The following SNTG1 variants were observed in gnomAD, a reference collection of about 807,000 sequenced individuals.
SNTG1 encodes the protein syntrophin gamma 1.
In SNTG1, 39 loss-of-function variants were observed where a neutral mutation model predicts 74.7. The observed-to-expected ratio is 0.52, with a 90% CI of 0.40 to 0.68. SNTG1 has a LOEUF of 0.68. SNTG1 is among the 30% of genes least tolerant of loss of function. The pLI is 0.00. For synonymous variants in SNTG1, 254 were observed against 217.1 expected (o/e 1.17, Z -1.49); for missense variants, 685 against 609.5 (o/e 1.12, Z -1.30).
intron 12 of SNTG1, among the ~76,000 whole-genome samples, chr8:50,570,582 A>ATTGTTGTTG (rs1428185346): frequency 1.5e-4 from 5 of 33,354 alleles, no homozygotes; most frequent in East Asian, 1.7e-3. Context: ...TATTATTATT[A>ATTGTTGTTG]TTATTGTTGT....
intron 13 of SNTG1, among the ~76,000 whole-genome samples, chr8:50,608,128 G>A (rs183426921): frequency 8.6e-5 from 13 of 151,640 alleles, no homozygotes; most frequent in Admixed American, 4.6e-4. Flanking sequence ...ACTTTTCCTG[G>A]ATCATGTTGC....
At chr8:50,779,805 T>C (rs2095653255) in intron 18 of SNTG1, among the ~76,000 whole-genome samples, 1 of 152,076 alleles carries the variant, frequency 6.6e-6, no homozygotes, top group Admixed American at 6.5e-5. Context: ...ATGCTTCCAG[T>C]TTTTGCCAAT....
intron 2 of SNTG1, among the ~76,000 whole-genome samples, chr8:50,283,089 A>T (rs536717373): frequency 6.6e-5 from 10 of 152,338 alleles, no homozygotes; most frequent in African/African-American, 2.4e-4. Context: ...AGAAAGGGAA[A>T]AATGTTTCCT....
chr8:50,436,875 T>C (rs2093309252), intron 4 of SNTG1, among the ~76,000 whole-genome samples: 1 of 152,162 alleles, frequency 6.6e-6, no homozygotes, highest in Non-Finnish European at 1.5e-5. Context: ...TATGCAGCCC[T>C]GTTTATATGT....
chr8:49,959,687 C>T (rs192475753), intron 1 of SNTG1, among the ~76,000 whole-genome samples: 58 of 152,242 alleles, frequency 3.8e-4, no homozygotes, highest in Non-Finnish European at 5.0e-4. Flanking sequence ...TTTGTTCATC[C>T]GTTTAGCAGT....
At chr8:50,287,350 T>A (rs889843736) in intron 2 of SNTG1, among the ~76,000 whole-genome samples, 10 of 152,202 alleles carry the variant, frequency 6.6e-5, no homozygotes, top group African/African-American at 1.2e-4. Flanking sequence ...CTTGTCTTTA[T>A]GAATAAAAAC....
At chr8:50,595,195 A>C in intron 13 of SNTG1, among the ~76,000 whole-genome samples, 1 of 152,074 alleles carries the variant, frequency 6.6e-6, no homozygotes, top group East Asian at 1.9e-4. Flanking sequence ...TTAAAAACAC[A>C]TTATAGAGTC....
At chr8:50,615,057 C>G (rs530479458) in intron 13 of SNTG1, among the ~76,000 whole-genome samples, 1 of 151,970 alleles carries the variant, frequency 6.6e-6, no homozygotes, top group South Asian at 2.1e-4. Flanking sequence ...ATTCTCCTGC[C>G]TCAGCCTCCC....
At chr8:50,462,964 G>A (rs1394650208) in intron 8 of SNTG1, among the ~76,000 whole-genome samples, 2 of 151,756 alleles carry the variant, frequency 1.3e-5, no homozygotes, top group Admixed American at 1.3e-4. Context: ...CTACAGGTGT[G>A]CACCACCACA....
intron 2 of SNTG1, among the ~76,000 whole-genome samples, chr8:50,254,258 T>C (rs1043241379): frequency 1.3e-5 from 2 of 152,188 alleles, no homozygotes; most frequent in South Asian, 2.1e-4. Flanking sequence ...TCAAAGACTA[T>C]ATTCTCGATC....
intron 2 of SNTG1, among the ~76,000 whole-genome samples, chr8:50,347,141 T>G (rs1484728284): frequency 6.6e-6 from 1 of 152,216 alleles, no homozygotes. Flanking sequence ...AGCTAATATC[T>G]GGCTTCAAAG....
At chr8:50,266,766 A>T (rs1424630425) in intron 2 of SNTG1, among the ~76,000 whole-genome samples, 1 of 150,990 alleles carries the variant, frequency 6.6e-6, no homozygotes, top group Non-Finnish European at 1.5e-5. Flanking sequence ...TAACCAAAAA[A>T]AGCGAAAGAG....
At chr8:50,438,027 G>T (rs1385597995) in intron 4 of SNTG1, among the ~76,000 whole-genome samples, 3 of 152,066 alleles carry the variant, frequency 2.0e-5, no homozygotes, top group Non-Finnish European at 4.4e-5. Flanking sequence ...AGTTTATTTT[G>T]GACTTGGTTT....
At chr8:50,688,280 T>A (rs1440021599) in intron 15 of SNTG1, among the ~76,000 whole-genome samples, 1 of 152,234 alleles carries the variant, frequency 6.6e-6, no homozygotes, top group African/African-American at 2.4e-5. Context: ...ATTTGTCAAT[T>A]TTGGCTTTTG....
intron 2 of SNTG1, among the ~76,000 whole-genome samples, chr8:50,374,829 CT>C (rs981982095): frequency 2.6e-5 from 4 of 151,936 alleles, no homozygotes; most frequent in East Asian, 1.9e-4. Flanking sequence ...CAATTTGATC[CT>C]TTTTTTTAGA....
At chr8:50,187,163 C>A (rs2083414361) in intron 2 of SNTG1, among the ~76,000 whole-genome samples, 1 of 152,074 alleles carries the variant, frequency 6.6e-6, no homozygotes, top group Non-Finnish European at 1.5e-5. Context: ...TAGAAAAAAA[C>A]TATTTTAAAT....
chr8:50,223,246 C>A (rs939002158), intron 2 of SNTG1, among the ~76,000 whole-genome samples: 3 of 151,942 alleles, frequency 2.0e-5, no homozygotes, highest in Non-Finnish European at 4.4e-5. Context: ...AAGTACACAA[C>A]CTTGTAAATA....
intron 13 of SNTG1, among the ~76,000 whole-genome samples, chr8:50,638,886 A>G (rs1276812190): frequency 6.6e-6 from 1 of 152,116 alleles, no homozygotes; most frequent in African/African-American, 2.4e-5. Flanking sequence ...AGACTTAAAT[A>G]TCACTATATG....
Position 50,102,008 on chromosome 8 carries a change from G to A in SNTG1, c.-102-70553G>A, listed in dbSNP as rs1447832824. ...AGTCTTTGCTATTGTGAATAGTGCCGCAATAAACATACGTGTGCATGTGTC... is the reference window on the plus strand; with the variant it reads ...AGTCTTTGCTATTGTGAATAGTGCCACAATAAACATACGTGTGCATGTGTC... On this transcript the variant is annotated intron_variant, in intron 1 of 18. Transcript: ENST00000642720. Among the ~76,000 whole-genome samples, 342 of 151,890 alleles carry A rather than the reference G, an allele frequency of 2.3e-3. 2 individuals are homozygous for A. Among genetic ancestry groups the A allele is most frequent in the African/African-American group, 7.4e-3 (305 of 41,412 alleles).
Sources: allele counts gnomAD v4.1 joint callset (sites outside exome capture counted in the v4.1 genomes callset), GRCh38; gene constraint gnomAD v4.1.1; transcripts MANE v1.5; gene names NCBI Gene and HGNC (gene_info 2026-07-23, HGNC 2026-07-21).